Variants in CUX1 observed in about 807,000 individuals in gnomAD.
The protein encoded by CUX1 is cut like homeobox 1.
A neutral mutation model predicts 158.8 loss-of-function variants in CUX1; 31 were observed. That is an observed-to-expected ratio of 0.20 (90% CI 0.15 to 0.26). CUX1 has a LOEUF of 0.26. Among genes scored for constraint, CUX1 ranks in the 10% least tolerant of loss-of-function variants. The probability of loss-of-function intolerance (pLI) is 1.00; values close to 1 mark genes in which losing one functional copy is unlikely to be tolerated. For synonymous variants in CUX1, 879 were observed against 862.1 expected (o/e 1.02, Z -0.34); for missense variants, 1,589 against 2,014.6 (o/e 0.79, Z 4.04).
At chr7:102,212,361 G>T (rs1796623944) in intron 20 of CUX1, among the ~76,000 whole-genome samples, 2 of 152,084 alleles carry the variant, frequency 1.3e-5, no homozygotes, top group Admixed American at 1.3e-4. Context: ...GCACCCTGCA[G>T]TCCCACCTTC....
At chr7:101,844,376 C>T (rs191835477) in intron 1 of CUX1, among the ~76,000 whole-genome samples, 2 of 152,250 alleles carry the variant, frequency 1.3e-5, no homozygotes, top group East Asian at 3.9e-4. Flanking sequence ...ACTTTAAAGT[C>T]TGAGTCTATA....
At chr7:102,070,465 T>C in intron 4 of CUX1, 48 bp downstream of exon 4, 2 of 1,472,640 alleles carry the variant, frequency 1.4e-6, no homozygotes, top group Non-Finnish European at 1.9e-6. Flanking sequence ...TTGTGTCTGG[T>C]GAGTCGGTGG....
chr7:102,253,938 C>CT lies in CUX1; in HGVS notation c.*4897dup, dbSNP rs1801797013. The CT allele has an allele frequency of 1.0e-6, 1 of 985,552 alleles. No homozygotes were observed. The highest frequency in any genetic ancestry group is 1.1e-4 in the East Asian group (1 of 8,818). The allele number at this position is 985,552 out of a possible 1,614,324, so 61.1% of individuals were successfully genotyped here. On this transcript the variant is annotated 3_prime_UTR_variant, in exon 24 of 24. Transcript: ENST00000292535. ...ACTCCTCATTGTCCCTTCTACCTCA[C>CT]TAACCTGTCTTCTCCATCTGATGTC...
chr7:102,242,934 G>A (rs890882208), intron 23 of CUX1, among the ~76,000 whole-genome samples: 6 of 152,182 alleles, frequency 3.9e-5, no homozygotes, highest in Non-Finnish European at 8.8e-5. Flanking sequence ...GGGGAGAGAA[G>A]AAGAATACCA....
At chr7:102,051,528 G>C (rs1179955004) in intron 3 of CUX1, among the ~76,000 whole-genome samples, 1 of 151,958 alleles carries the variant, frequency 6.6e-6, no homozygotes, top group South Asian at 2.1e-4. Flanking sequence ...CGCAACTGTA[G>C]TCCCAGCTAC....
chr7:101,887,715 G>A (rs1800376129), intron 1 of CUX1, among the ~76,000 whole-genome samples: 1 of 152,090 alleles, frequency 6.6e-6, no homozygotes, highest in South Asian at 2.1e-4. Flanking sequence ...CTGTGGACAG[G>A]GCAGGACCCA....
At chr7:102,165,014 C>T (rs1431978786) in intron 9 of CUX1, among the ~76,000 whole-genome samples, 4 of 152,090 alleles carry the variant, frequency 2.6e-5, no homozygotes, top group African/African-American at 9.7e-5. Context: ...AGGAGTCTGC[C>T]CTTAAAGGGG....
At chr7:102,223,404 C>A (rs1432880902) in intron 20 of CUX1, among the ~76,000 whole-genome samples, 4 of 152,094 alleles carry the variant, frequency 2.6e-5, no homozygotes, top group African/African-American at 9.7e-5. Flanking sequence ...TTTATGTTGA[C>A]TGTAGGTCTT....
intron 2 of CUX1, among the ~76,000 whole-genome samples, chr7:101,947,725 G>C (rs1808568291): frequency 6.6e-6 from 1 of 152,122 alleles, no homozygotes; most frequent in Non-Finnish European, 1.5e-5. Flanking sequence ...TTTGATTCCT[G>C]GGATTTTTTT....
At position 102,252,831 on chromosome 7, in the gene CUX1, C is replaced by T; in HGVS notation, c.*3789C>T. On this transcript the variant is annotated 3_prime_UTR_variant, in exon 24 of 24. Transcript: ENST00000292535. ...CAGACCTCTCTTTAGAAAGGGTTAT[C>T]AGAGCCATGGAGCTTAGCTCAATTG... is the stretch of plus-strand genomic sequence containing the variant. 1 of 985,466 alleles carries T rather than the reference C, an allele frequency of 1.0e-6. No individual in the cohort carries two copies. Among genetic ancestry groups the T allele is most frequent in the Non-Finnish European group, 1.2e-6 (1 of 829,958 alleles). The allele number at this position is 985,466 out of a possible 1,614,324, so 61.0% of individuals were successfully genotyped here.
rs188976214 is a variant in CUX1 at position 102,238,307 on chromosome 7, G to A, written c.3623-1013G>A. ...GACCACGGTCCGCCTGGCAACGGGC[G>A]TCTTCCCAGACGCTGGCGTTACCTC... On this transcript the variant is annotated intron_variant, in intron 22 of 23. Coordinates refer to ENST00000292535, the MANE Select transcript of CUX1 (RefSeq NM_181552.4). Among the ~76,000 whole-genome samples, 750 of 152,244 alleles carry A rather than the reference G, an allele frequency of 4.9e-3. 3 individuals are homozygous for A. The highest frequency in any genetic ancestry group is 0.017 in the African/African-American group (701 of 41,544).
At chr7:101,996,975 G>C (rs1024867296) in intron 2 of CUX1, among the ~76,000 whole-genome samples, 2 of 151,614 alleles carry the variant, frequency 1.3e-5, no homozygotes, top group Admixed American at 6.6e-5. Flanking sequence ...TCGCTCCCCT[G>C]CGCTCGTGTG....
chr7:102,120,113 C>T (rs1048270290), intron 8 of CUX1, among the ~76,000 whole-genome samples: 2 of 152,218 alleles, frequency 1.3e-5, no homozygotes, highest in Non-Finnish European at 2.9e-5. Flanking sequence ...TTCCTGCATC[C>T]GTCTCCTGCA....
intron 3 of CUX1, among the ~76,000 whole-genome samples, chr7:102,067,700 G>T (rs1479802964): frequency 6.6e-6 from 1 of 151,724 alleles, no homozygotes; most frequent in Non-Finnish European, 1.5e-5. Flanking sequence ...TGCTAATAAT[G>T]GGGGAGGGGG....
rs1370757695 is a variant in CUX1 at position 102,255,035 on chromosome 7, T to TG, written c.*5999dup. 3.8e-5 allele frequency: 37 copies of TG among 985,138 alleles called. No homozygotes were observed. The highest frequency in any genetic ancestry group is 4.1e-5 in the Non-Finnish European group (34 of 829,988). 61.0% of individuals were successfully genotyped at this position (985,138 alleles called of 1,614,324 possible). ...AATCAGGACGGAAGAGGAGGGGGTG[T>TG]GGGGGGCAGAGCGTAAAACAAGCCC... On this transcript the variant is annotated 3_prime_UTR_variant, in exon 24 of 24. Transcript: ENST00000292535.
intron 2 of CUX1, among the ~76,000 whole-genome samples, chr7:101,920,325 T>C (rs1290447022): frequency 1.3e-5 from 2 of 152,126 alleles, no homozygotes; most frequent in Non-Finnish European, 2.9e-5. Flanking sequence ...GGTTTCACCA[T>C]GTTGCCCAGG....
At chr7:102,140,062 G>C (rs1293732780) in intron 8 of CUX1, among the ~76,000 whole-genome samples, 2 of 152,152 alleles carry the variant, frequency 1.3e-5, no homozygotes, top group African/African-American at 4.8e-5. Flanking sequence ...CAAAGTATTT[G>C]AGGTGGATTT....
chr7:102,065,245 T>A (rs532197233), intron 3 of CUX1, among the ~76,000 whole-genome samples: 1 of 152,030 alleles, frequency 6.6e-6, no homozygotes, highest in Admixed American at 6.6e-5. Flanking sequence ...CGTGCCTGTC[T>A]AATTTGTATT....
chr7:102,099,614 A>C (rs1829577333), intron 5 of CUX1, among the ~76,000 whole-genome samples: 2 of 151,864 alleles, frequency 1.3e-5, no homozygotes, highest in African/African-American at 4.8e-5. Context: ...GCTGGAGTGC[A>C]GTTGCATGAT....
Sources: gnomAD v4.1 joint callset for allele counts (sites outside exome capture counted in the v4.1 genomes callset) on GRCh38, gnomAD v4.1.1 for gene constraint, MANE v1.5 for transcripts, NCBI Gene and HGNC (gene_info 2026-07-23, HGNC 2026-07-21) for gene names.